Variants in TET2 observed in about 807,000 individuals in gnomAD.
TET2 encodes the protein tet methylcytosine dioxygenase 2, also known as methylcytosine dioxygenase TET2.
A neutral mutation model predicts 142.9 loss-of-function variants in TET2; 299 were observed. The observed-to-expected ratio is 2.09, with a 90% CI of 1.90 to 2.30. The LOEUF is 2.30. Ranked by LOEUF, TET2 falls within the 30% of genes most tolerant of loss-of-function variation. The probability of loss-of-function intolerance (pLI) is 0.00; values close to 1 mark genes in which losing one functional copy is unlikely to be tolerated. For synonymous variants in TET2, 819 were observed against 849.0 expected, an observed-to-expected ratio of 0.96 and a Z score of 0.61; for missense variants, 2,418 against 2,378.0, an observed-to-expected ratio of 1.02 and a Z score of -0.35.
rs1731032210 is a variant in TET2 at position 105,272,849 on chromosome 4, G to T, written c.4468G>T (p.Glu1490Ter). The change falls in exon 10 of 11, where the codon GAA (glutamate) becomes TAA (stop). Residue 1490 changes from glutamate (E) to a stop codon, truncating the protein, a stop_gained. Transcript: ENST00000380013. LOFTEE classifies it high-confidence loss of function. The stretch of plus-strand genomic sequence containing the variant: ...CCTGGAGAACAGCTCAAATAAAAAT[G>T]AAAAGGAAAAGTCAGCCCCATCACG... Reference protein sequence around the residue: ...SSLENSSNKNEKEKSAPSRTK... With the variant: ...SSLENSSNKN 6.4e-7 allele frequency: 1 copy of T among 1,551,170 alleles called. No homozygotes were observed. Among genetic ancestry groups the T allele is most frequent in the Non-Finnish European group, 8.7e-7 (1 of 1,146,850 alleles).
rs1731309574 is a variant in TET2 at position 105,278,198 on chromosome 4, A to ATG, written c.*1680_*1681insGT. On this transcript the variant is annotated 3_prime_UTR_variant, in exon 11 of 11. Transcript: ENST00000380013. The stretch of plus-strand genomic sequence containing the variant: ...TATATATATATATATATATATATAT[A>ATG]TATATGAGTTTGAAGCAGAATTCAC... 6.2e-6 allele frequency: 1 copy of ATG among 160,296 alleles called. No individual in the cohort carries two copies. Among genetic ancestry groups the ATG allele is most frequent in the Non-Finnish European group, 1.3e-5 (1 of 75,862 alleles). 9.9% of individuals were successfully genotyped at this position (160,296 alleles called of 1,614,324 possible). A position where few individuals can be genotyped will look rare whatever the true frequency, so the allele number is the denominator to read the frequency against.
rs1249679548 is a variant in TET2, at chr4:105,236,393, C to A, written c.2451C>A (p.Ser817=). Residue 817 remains serine, a synonymous_variant, in exon 3 of 11, where the codon TCC becomes TCA. Coordinates refer to ENST00000380013, the MANE Select transcript of TET2 (RefSeq NM_001127208.3). Reference sequence around the variant, plus strand: ...TACAGAATATAAATCGTAGAAATTCCCCTTATAGTCAGACCATGAAATCAA... The same window carrying A: ...TACAGAATATAAATCGTAGAAATTCACCTTATAGTCAGACCATGAAATCAA... ...EEVQNINRRN[S]PYSQTMKSSA... 1 of 1,613,932 alleles carries A rather than the reference C, an allele frequency of 6.2e-7. No homozygotes were observed. The highest frequency in any genetic ancestry group is 1.7e-5 in the Admixed American group (1 of 59,984).
intron 6 of TET2, among the ~76,000 whole-genome samples, chr4:105,258,708 C>T (rs1220156829): frequency 5.3e-5 from 8 of 152,182 alleles, no homozygotes; most frequent in Non-Finnish European, 1.0e-4. Flanking sequence ...TTGATATTAA[C>T]AATTATTTAC....
intron 6 of TET2, among the ~76,000 whole-genome samples, chr4:105,246,443 C>T (rs961645673): frequency 6.6e-6 from 1 of 152,196 alleles, no homozygotes; most frequent in Non-Finnish European, 1.5e-5. Flanking sequence ...TTTAAAAGCA[C>T]AGCTGTACAC....
chr4:105,277,991 G>C lies in TET2; in HGVS notation c.*1472G>C, dbSNP rs1731294420. The C allele has an allele frequency of 4.7e-6, 1 of 214,582 alleles. No homozygotes were observed. The highest frequency in any genetic ancestry group is 6.9e-5 in the East Asian group (1 of 14,446). The allele number at this position is 214,582 out of a possible 1,614,324, so 13.3% of individuals were successfully genotyped here. ...TGCATAAGATGAATAAACAGGGTTA[G>C]TTCCATGTGAATCTGTCAGTTAAAA... On this transcript the variant is annotated 3_prime_UTR_variant, in exon 11 of 11. Coordinates refer to ENST00000380013, the MANE Select transcript of TET2 (RefSeq NM_001127208.3).
chr4:105,156,424 G>A (rs1723571761), intron 1 of TET2, among the ~76,000 whole-genome samples: 1 of 152,174 alleles, frequency 6.6e-6, no homozygotes, highest in Non-Finnish European at 1.5e-5. Context: ...AACATTTTGA[G>A]ATTTGTCACA....
At position 105,237,198 on chromosome 4, in the gene TET2, A is replaced by G. The variant is rs1013733543; in HGVS notation, c.3256A>G (p.Thr1086Ala). 1 of 1,614,122 alleles carries G rather than the reference A, an allele frequency of 6.2e-7. No homozygotes were observed. The highest frequency in any genetic ancestry group is 8.5e-7 in the Non-Finnish European group (1 of 1,180,016). Residue 1086 changes from threonine (T) to alanine (A), a missense_variant, in exon 3 of 11, where the codon ACT becomes GCT. Transcript: ENST00000380013. ...SHTPALEQQT[T>A]SSEKTPTKRT... ...CACCCCAGCTTTAGAGCAGCAAACAACTTCTTCAGAAAAGACACCAACCAA... is the reference window on the plus strand; with the variant it reads ...CACCCCAGCTTTAGAGCAGCAAACAGCTTCTTCAGAAAAGACACCAACCAA...
intron 1 of TET2, among the ~76,000 whole-genome samples, chr4:105,183,523 A>T (rs554427124): frequency 3.9e-5 from 6 of 152,192 alleles, no homozygotes; most frequent in African/African-American, 7.2e-5. Context: ...TGGAACAGAA[A>T]TAATACAATT....
chr4:105,266,152 T>G (rs1730671264), intron 8 of TET2, among the ~76,000 whole-genome samples: 1 of 152,140 alleles, frequency 6.6e-6, no homozygotes, highest in Non-Finnish European at 1.5e-5. Context: ...AATCCCTTGA[T>G]CTCACACAGG....
intron 8 of TET2, among the ~76,000 whole-genome samples, chr4:105,266,653 A>G (rs940576858): frequency 6.6e-5 from 10 of 152,086 alleles, no homozygotes; most frequent in Admixed American, 6.6e-4. Context: ...TTAAAAATAC[A>G]CTAGGCGGAA....
rs1237455003 is a variant in TET2 at position 105,261,826 on chromosome 4, C to G, written c.4022C>G (p.Ala1341Gly). 1 of 1,546,762 alleles carries G rather than the reference C, an allele frequency of 6.5e-7. No homozygotes were observed. Residue 1341 changes from alanine to glycine, a missense_variant, in exon 8 of 11, where the codon GCA (alanine) becomes GGA (glycine). Transcript: ENST00000380013. ...ATGGCACCAACATATAAGAAACTTG[C>G]ACCTGATGCATATAATAATCAGGTA... The part of the protein sequence containing the change: ...TLMAPTYKKL[A>G]PDAYNNQIEY...
chr4:105,150,333 T>C (rs1198080330), intron 1 of TET2, among the ~76,000 whole-genome samples: 3 of 152,242 alleles, frequency 2.0e-5, no homozygotes, highest in Non-Finnish European at 1.5e-5. Context: ...TTAAATTGTT[T>C]TTGTTGTTAT....
At chr4:105,268,693 A>G (rs1730806873) in intron 8 of TET2, among the ~76,000 whole-genome samples, 1 of 152,216 alleles carries the variant, frequency 6.6e-6, no homozygotes, top group Non-Finnish European at 1.5e-5. Flanking sequence ...GATATTGCCC[A>G]GGCGCAGTGG....
Position 105,279,131 on chromosome 4 carries a change from G to T in TET2, c.*2612G>T, listed in dbSNP as rs923031215. The T allele has an allele frequency of 1.3e-5, 3 of 232,460 alleles. No homozygotes were observed. The highest frequency in any genetic ancestry group is 2.2e-5 in the African/African-American group (1 of 45,306). 14.4% of individuals were successfully genotyped at this position (232,460 alleles called of 1,614,324 possible). A position where few individuals can be genotyped will look rare whatever the true frequency, so the allele number is the denominator to read the frequency against. The stretch of plus-strand genomic sequence containing the variant: ...TGTTTGCTTTGCTTACAAACCACAT[G>T]ATTTTAATGTTTTTTGTATACCATA... On this transcript the variant is annotated 3_prime_UTR_variant, in exon 11 of 11. Coordinates refer to ENST00000380013, the MANE Select transcript of TET2 (RefSeq NM_001127208.3).
intron 2 of TET2, among the ~76,000 whole-genome samples, chr4:105,229,373 C>T (rs893452648): frequency 1.1e-4 from 17 of 152,284 alleles, no homozygotes; most frequent in African/African-American, 2.2e-4. Context: ...TGCAGTGGCG[C>T]GATCTCGGCT....
chr4:105,235,013 C>G lies in TET2; in HGVS notation c.1071C>G (p.Ser357Arg). 2 of 1,614,074 alleles carry G rather than the reference C, an allele frequency of 1.2e-6. No homozygotes were observed. Among genetic ancestry groups the G allele is most frequent in the East Asian group, 4.5e-5 (2 of 44,858 alleles). The change falls in exon 3 of 11, where the codon AGC becomes AGG. Residue 357 changes from serine (S) to arginine (R), a missense_variant. Ser to Arg is a moderately radical substitution (Grantham distance 110). Coordinates refer to ENST00000380013, the MANE Select transcript of TET2 (RefSeq NM_001127208.3). ...GTGAAGAATTCTGTTCAGGTTCCAG[C>G]AGCAATTTGCAAGCTCCTGGTGGCA... ...ASGEEFCSGS[S>R]SNLQAPGGSS...
chr4:105,263,427 A>G (rs571514423), intron 8 of TET2, among the ~76,000 whole-genome samples: 4 of 152,260 alleles, frequency 2.6e-5, no homozygotes, highest in African/African-American at 9.6e-5. Flanking sequence ...GGCAGGAATT[A>G]AGTATGTACA....
At chr4:105,218,658 A>T (rs1451058961) in intron 2 of TET2, among the ~76,000 whole-genome samples, 3 of 151,936 alleles carry the variant, frequency 2.0e-5, no homozygotes, top group Non-Finnish European at 2.9e-5. Context: ...GGTGGTTGTG[A>T]CTTGCTCACA....
At chr4:105,172,916 C>T (rs1724557756) in intron 1 of TET2, among the ~76,000 whole-genome samples, 1 of 152,082 alleles carries the variant, frequency 6.6e-6, no homozygotes, top group South Asian at 2.1e-4. Flanking sequence ...TTGATATGGG[C>T]AATTAACAGC....
Sources: allele counts gnomAD v4.1 joint callset (sites outside exome capture counted in the v4.1 genomes callset), GRCh38; gene constraint gnomAD v4.1.1; transcripts MANE v1.5; gene names NCBI Gene and HGNC (gene_info 2026-07-23, HGNC 2026-07-21).